UMAD1: variants seen among roughly 807,000 people sequenced by gnomAD.
The protein encoded by UMAD1 is UBAP1-MVB12-associated (UMA)-domain containing protein 1.
A neutral mutation model predicts 6.1 loss-of-function variants in UMAD1; 8 were observed. The ratio of observed to expected loss-of-function variants is 1.30; its 90% CI spans 0.76 to 2.35. The LOEUF (loss-of-function observed/expected upper bound fraction) is 2.35. Among genes scored for constraint, UMAD1 ranks in the 30% most tolerant of loss-of-function variants. UMAD1 has a pLI of 0.00. For missense variants in UMAD1, 130 were observed against 78.4 expected (o/e 1.66, Z -2.49); for synonymous variants, 56 against 31.4 (o/e 1.78, Z -2.61).
In UMAD1 at chr7:7,643,670, C is replaced by T. The variant is rs535757313; in HGVS notation, c.-64+2849C>T. On this transcript the variant is annotated intron_variant, in intron 1 of 3. Coordinates refer to ENST00000682710, the MANE Select transcript of UMAD1 (RefSeq NM_001302348.2). ...GAGCTTGCAGTGAGCCGAGATCGCG[C>T]CACTTCACTCCAACCTGGGCCACAG... is the stretch of plus-strand genomic sequence containing the variant. Among the ~76,000 whole-genome samples the T allele has an allele frequency of 2.0e-5, 3 of 150,714 alleles. No homozygotes were observed. The South Asian group carries it at 6.3e-4, about 31-fold the overall frequency.
At chr7:7,730,136 A>G (rs1226292486) in intron 2 of UMAD1, among the ~76,000 whole-genome samples, 1 of 152,156 alleles carries the variant, frequency 6.6e-6, no homozygotes, top group African/African-American at 2.4e-5. Flanking sequence ...ACGATAATGT[A>G]TCTTTGCTTT....
rs554955399 is a variant in UMAD1, at chr7:7,837,828, G to C, written c.156+36085G>C. Among the ~76,000 whole-genome samples, 15 of 152,220 alleles carry C rather than the reference G, an allele frequency of 9.9e-5. No homozygotes were observed. In the South Asian group the frequency reaches 2.9e-3, roughly 29 times the overall value. On this transcript the variant is annotated intron_variant, in intron 3 of 3. Transcript: ENST00000682710. ...GCTTTAAAAATCTAAATACAGTACT[G>C]TGGTTTACGTGAAAACCCTACATAA...
intron 2 of UMAD1, among the ~76,000 whole-genome samples, chr7:7,747,439 A>C (rs1781593451): frequency 1.3e-5 from 2 of 152,210 alleles, no homozygotes; most frequent in African/African-American, 2.4e-5. Context: ...TGGATGAGGA[A>C]AACCAAGACT....
At chr7:7,844,236 G>A (rs1396867139) in intron 3 of UMAD1, among the ~76,000 whole-genome samples, 2 of 152,084 alleles carry the variant, frequency 1.3e-5, no homozygotes, top group African/African-American at 2.4e-5. Context: ...ACCTTAATCT[G>A]AATCTCAGAG....
intron 2 of UMAD1, among the ~76,000 whole-genome samples, chr7:7,789,380 A>G (rs778492571): frequency 6.6e-6 from 1 of 152,254 alleles, no homozygotes; most frequent in African/African-American, 2.4e-5. Flanking sequence ...CATCTGTATG[A>G]AAACAATTGT....
At chr7:7,764,151 C>T (rs1583808183) in intron 2 of UMAD1, among the ~76,000 whole-genome samples, 2 of 152,182 alleles carry the variant, frequency 1.3e-5, no homozygotes, top group South Asian at 2.1e-4. Flanking sequence ...TATGAGGTTG[C>T]GGTGTGATAC....
At chr7:7,747,933 A>G (rs1781604040) in intron 2 of UMAD1, among the ~76,000 whole-genome samples, 1 of 152,170 alleles carries the variant, frequency 6.6e-6, no homozygotes. Context: ...ACAATGCATA[A>G]TCATCTAATA....
At chr7:7,775,097 C>G (rs1782175712) in intron 2 of UMAD1, among the ~76,000 whole-genome samples, 1 of 152,224 alleles carries the variant, frequency 6.6e-6, no homozygotes, top group Non-Finnish European at 1.5e-5. Flanking sequence ...CCAAAATTTT[C>G]CAAAGACTGA....
At chr7:7,813,098 A>C (rs1348752221) in intron 3 of UMAD1, among the ~76,000 whole-genome samples, 1 of 152,210 alleles carries the variant, frequency 6.6e-6, no homozygotes, top group Non-Finnish European at 1.5e-5. Context: ...ACATGAGTGC[A>C]CCAGCATGAA....
chr7:7,714,510 T>C (rs1325847339), intron 2 of UMAD1, among the ~76,000 whole-genome samples: 1 of 152,240 alleles, frequency 6.6e-6, no homozygotes, highest in Non-Finnish European at 1.5e-5. Flanking sequence ...TATAGTTTAA[T>C]TGCTAAAATA....
At chr7:7,703,086 T>G (rs978213118) in intron 2 of UMAD1, among the ~76,000 whole-genome samples, 11 of 152,182 alleles carry the variant, frequency 7.2e-5, no homozygotes, top group Admixed American at 5.9e-4. Context: ...TTTTTAGAAC[T>G]TCCTTGCCAA....
At chr7:7,795,110 A>G (rs558616727) in intron 2 of UMAD1, among the ~76,000 whole-genome samples, 5 of 152,342 alleles carry the variant, frequency 3.3e-5, no homozygotes, top group Admixed American at 2.6e-4. Flanking sequence ...CCTTACATGT[A>G]TTGACTTATG....
intron 3 of UMAD1, among the ~76,000 whole-genome samples, chr7:7,841,333 G>C (rs1432374105): frequency 3.2e-5 from 3 of 94,626 alleles, no homozygotes; most frequent in Non-Finnish European, 6.5e-5. Context: ...TTTTTTTTTT[G>C]AGGCCAGGTG....
intron 1 of UMAD1, among the ~76,000 whole-genome samples, chr7:7,670,097 TA>T (rs1293288476): frequency 6.6e-6 from 1 of 152,258 alleles, no homozygotes; most frequent in Non-Finnish European, 1.5e-5. Flanking sequence ...TTACTTGTTA[TA>T]AATTCCATAC....
chr7:7,667,418 A>G (rs1049014958), intron 1 of UMAD1, among the ~76,000 whole-genome samples: 3 of 152,188 alleles, frequency 2.0e-5, no homozygotes, highest in African/African-American at 4.8e-5. Flanking sequence ...CTTACCGCAT[A>G]CTAGGCTTGG....
intron 3 of UMAD1, among the ~76,000 whole-genome samples, chr7:7,827,772 G>C (rs1419623810): frequency 6.6e-6 from 1 of 152,166 alleles, no homozygotes; most frequent in African/African-American, 2.4e-5. Context: ...ATGGCATGTG[G>C]TTTAAGACAA....
At position 7,754,625 on chromosome 7, in the gene UMAD1, A is replaced by T. The variant is rs571888931; in HGVS notation, c.83-47045A>T. 4.5e-4 allele frequency among the ~76,000 whole-genome samples: 68 copies of T among 152,338 alleles called. No individual in the cohort carries two copies. The South Asian group carries it at 5.4e-3, about 12-fold the overall frequency. On this transcript the variant is annotated intron_variant, in intron 2 of 3. Coordinates refer to ENST00000682710, the MANE Select transcript of UMAD1 (RefSeq NM_001302348.2). ...TGTAGCTATGGAGAACTTGAAGTGT[A>T]ACAAATATACTGATTTTTAAATTTT...
intron 3 of UMAD1, among the ~76,000 whole-genome samples, chr7:7,871,856 AAAG>A (rs1784338724): frequency 6.6e-6 from 1 of 152,242 alleles, no homozygotes; most frequent in African/African-American, 2.4e-5. Flanking sequence ...CAAAAAAAAA[AAAG>A]AGGATTAATA....
chr7:7,753,605 C>T (rs1037648811), intron 2 of UMAD1, among the ~76,000 whole-genome samples: 3 of 152,108 alleles, frequency 2.0e-5, no homozygotes, highest in African/African-American at 7.2e-5. Flanking sequence ...AACTGGGTGT[C>T]ATTCTTTCTT....
Sources: allele counts gnomAD v4.1 joint callset (sites outside exome capture counted in the v4.1 genomes callset), GRCh38; gene constraint gnomAD v4.1.1; transcripts MANE v1.5; gene names NCBI Gene and HGNC (gene_info 2026-07-23, HGNC 2026-07-21).